PREX1: variants seen among roughly 807,000 people sequenced by gnomAD.
The protein encoded by PREX1 is phosphatidylinositol 3,4,5-trisphosphate-dependent Rac exchanger 1 protein.
PREX1 carries 41 observed loss-of-function variants against 198.3 expected under a neutral mutation model. The observed-to-expected ratio is 0.21, with a 90% CI of 0.16 to 0.27. The LOEUF (loss-of-function observed/expected upper bound fraction) is 0.27, where lower values mean the gene tolerates loss of function less well. Among genes scored for constraint, PREX1 ranks in the 10% least tolerant of loss-of-function variants. The probability of loss-of-function intolerance (pLI) is 1.00; values close to 1 mark genes in which losing one functional copy is unlikely to be tolerated. For synonymous variants in PREX1, 843 were observed against 887.2 expected, an observed-to-expected ratio of 0.95 and a Z score of 0.89; for missense variants, 1,620 against 2,200.7, an observed-to-expected ratio of 0.74 and a Z score of 5.28.
intron 5 of PREX1, among the ~76,000 whole-genome samples, chr20:48,717,576 C>T (rs2089968012): frequency 1.3e-5 from 2 of 152,002 alleles, no homozygotes; most frequent in Admixed American, 6.5e-5. Flanking sequence ...TGAAGAGCTC[C>T]CCAGCATTGC....
chr20:48,718,936 A>G (rs890672373), intron 5 of PREX1, among the ~76,000 whole-genome samples: 1 of 152,274 alleles, frequency 6.6e-6, no homozygotes, highest in African/African-American at 2.4e-5. Context: ...GCTAGGATTA[A>G]TAAGCATAAA....
At chr20:48,768,911 T>C (rs1197583104) in intron 1 of PREX1, among the ~76,000 whole-genome samples, 1 of 152,124 alleles carries the variant, frequency 6.6e-6, no homozygotes, top group Admixed American at 6.5e-5. Context: ...AGCTGTGCAC[T>C]TCACTGTCTG....
intron 25 of PREX1, among the ~76,000 whole-genome samples, chr20:48,646,432 C>T (rs1158976626): frequency 2.6e-5 from 4 of 152,158 alleles, no homozygotes; most frequent in Non-Finnish European, 4.4e-5. Context: ...CCTGTAATCC[C>T]AGTACTTTGG....
At chr20:48,698,101 C>T (rs1213188921) in intron 7 of PREX1, among the ~76,000 whole-genome samples, 2 of 152,246 alleles carry the variant, frequency 1.3e-5, no homozygotes, top group Non-Finnish European at 2.9e-5. Flanking sequence ...TGGCCGCCTG[C>T]CAGCTTCTCT....
At chr20:48,771,969 G>A (rs745575555) in intron 1 of PREX1, among the ~76,000 whole-genome samples, 24 of 152,132 alleles carry the variant, frequency 1.6e-4, no homozygotes, top group African/African-American at 5.1e-4. Flanking sequence ...TGAGGTGGGC[G>A]AATCACCTGA....
At chr20:48,865,966 T>C in the PREX1 span, among the ~76,000 whole-genome samples, 1 of 151,244 alleles carries the variant, frequency 6.6e-6, no homozygotes, top group East Asian at 1.9e-4. Flanking sequence ...TTTTTTTTTT[T>C]TGAGACAGGA....
chr20:48,791,622 G>C (rs564883177), intron 1 of PREX1, among the ~76,000 whole-genome samples: 1 of 152,140 alleles, frequency 6.6e-6, no homozygotes, highest in Non-Finnish European at 1.5e-5. Context: ...CAATTGAAAC[G>C]GACAAGAGCC....
chr20:48,769,403 C>T (rs1398934967), intron 1 of PREX1, among the ~76,000 whole-genome samples: 1 of 152,210 alleles, frequency 6.6e-6, no homozygotes, highest in Non-Finnish European at 1.5e-5. Flanking sequence ...CAAACACCTA[C>T]TCTACCGTCG....
At chr20:48,758,466 G>A (rs1016435515) in intron 1 of PREX1, among the ~76,000 whole-genome samples, 2 of 152,178 alleles carry the variant, frequency 1.3e-5, no homozygotes, top group South Asian at 2.1e-4. Context: ...GGGCCCCCCC[G>A]AGCTTGGGGG....
chr20:48,728,359 T>A (rs1467713652), intron 4 of PREX1, among the ~76,000 whole-genome samples: 1 of 152,234 alleles, frequency 6.6e-6, no homozygotes, highest in Non-Finnish European at 1.5e-5. Flanking sequence ...CATGGACCAC[T>A]GTCCCCTACC....
intron 5 of PREX1, among the ~76,000 whole-genome samples, chr20:48,710,292 G>A (rs2123092118): frequency 6.6e-6 from 1 of 152,358 alleles, no homozygotes; most frequent in East Asian, 1.9e-4. Flanking sequence ...AATACTGGCT[G>A]AGCAACTGGT....
intron 14 of PREX1, among the ~76,000 whole-genome samples, chr20:48,670,143 G>A (rs547219686): frequency 2.0e-5 from 3 of 152,114 alleles, no homozygotes; most frequent in Non-Finnish European, 2.9e-5. Context: ...GACACCCCCC[G>A]CCACCATGCC....
At position 48,744,899 on chromosome 20, in the gene PREX1, C is replaced by T. The variant is rs575618008; in HGVS notation, c.414+126G>A. On this transcript the variant is annotated intron_variant, in intron 3 of 39. Coordinates refer to ENST00000371941, the MANE Select transcript of PREX1 (RefSeq NM_020820.4). ...GATGCAGACTGGGCCCACCTGCCCA[C>T]CTTGCTACCCCATCTCCCAGACAGG... The T allele has an allele frequency of 3.3e-5, 43 of 1,305,590 alleles. No individual in the cohort carries two copies. In the South Asian group the frequency reaches 6.2e-4, roughly 19 times the overall value. The allele number at this position is 1,305,590 out of a possible 1,614,324, so 80.9% of individuals were successfully genotyped here.
At chr20:48,838,843 T>C in the PREX1 span, among the ~76,000 whole-genome samples, 1 of 151,768 alleles carries the variant, frequency 6.6e-6, no homozygotes, top group African/African-American at 2.4e-5. Flanking sequence ...CTGGCCAACA[T>C]GGCAAAACCC....
rs201636491 is a variant in PREX1, at chr20:48,676,286, G to A, written c.1590-18C>T. The A allele has an allele frequency of 1.4e-4, 228 of 1,610,274 alleles. 2 individuals carry two copies. The South Asian group carries it at 2.0e-3, about 14-fold the overall frequency. ...CACGGTCTCTGTGGAGAAGGTGAGC[G>A]CACAGTGAGCAGGGCAGGGCGGGGA... is the stretch of plus-strand genomic sequence containing the variant. On this transcript the variant is annotated intron_variant, in intron 13 of 39. Transcript: ENST00000371941.
chr20:48,660,518 T>C (rs544106096), intron 15 of PREX1, among the ~76,000 whole-genome samples: 1 of 152,298 alleles, frequency 6.6e-6, no homozygotes, highest in South Asian at 2.1e-4. Flanking sequence ...TCACACCATA[T>C]GCAACAATAA....
intron 3 of PREX1, among the ~76,000 whole-genome samples, chr20:48,743,800 G>A (rs1245064726): frequency 6.6e-6 from 1 of 152,246 alleles, no homozygotes; most frequent in Admixed American, 6.5e-5. Flanking sequence ...AGCCTGGCCA[G>A]AAGCTCTCCT....
chr20:48,653,585 C>T, intron 19 of PREX1, 88 bp from the exon 20 acceptor site: 8 of 1,513,680 alleles, frequency 5.3e-6, no homozygotes, highest in Non-Finnish European at 6.3e-6. Context: ...ACCACTGCAA[C>T]CCCAGACACG....
At chr20:48,806,827 C>T (rs796509497) in intron 1 of PREX1, among the ~76,000 whole-genome samples, 11 of 152,310 alleles carry the variant, frequency 7.2e-5, no homozygotes, top group African/African-American at 2.4e-4. Context: ...CCCCAAACAG[C>T]TCCAACAGCA....
Sources: gnomAD v4.1 joint callset for allele counts (sites outside exome capture counted in the v4.1 genomes callset) on GRCh38, gnomAD v4.1.1 for gene constraint, MANE v1.5 for transcripts, NCBI Gene and HGNC (gene_info 2026-07-23, HGNC 2026-07-21) for gene names.